The following RAB7A variants were observed in gnomAD, a reference collection of about 807,000 sequenced individuals.
The protein encoded by RAB7A is ras-related protein Rab-7a.
RAB7A carries 2 observed loss-of-function variants against 24.5 expected under a neutral mutation model. The observed-to-expected ratio is 0.08, with a 90% CI of 0.03 to 0.26. RAB7A has a LOEUF of 0.26. RAB7A is among the 10% of genes least tolerant of loss of function. The pLI is 1.00. For synonymous variants in RAB7A, 100 were observed against 95.9 expected, an observed-to-expected ratio of 1.04 and a Z score of -0.25; for missense variants, 118 against 255.7, an observed-to-expected ratio of 0.46 and a Z score of 3.67.
chr3:128,758,847 T>C (rs1436624686), intron 1 of RAB7A, among the ~76,000 whole-genome samples: 1 of 152,174 alleles, frequency 6.6e-6, no homozygotes, highest in Non-Finnish European at 1.5e-5. Context: ...CTGTGTTTTA[T>C]CTGTTTTTTG....
At chr3:128,790,354 G>GA (rs888643377) in intron 1 of RAB7A, among the ~76,000 whole-genome samples, 2 of 152,114 alleles carry the variant, frequency 1.3e-5, no homozygotes, top group Admixed American at 6.5e-5. Context: ...AAATTGATTT[G>GA]AAAAAATCAA....
At chr3:128,726,971 C>T (rs1483244284) in intron 1 of RAB7A, among the ~76,000 whole-genome samples, 1 of 152,202 alleles carries the variant, frequency 6.6e-6, no homozygotes, top group African/African-American at 2.4e-5. Context: ...AGGCATGTTA[C>T]GGTAAATCCT....
chr3:128,763,225 T>A (rs1479457250), intron 1 of RAB7A, among the ~76,000 whole-genome samples: 18 of 131,338 alleles, frequency 1.4e-4, no homozygotes, highest in South Asian at 1.0e-3. Flanking sequence ...TTTTTTTTTT[T>A]TTTTTTTGAG....
At chr3:128,795,750 G>GTTTTTTTTTTTTT (rs1491091651) in intron 2 of RAB7A, among the ~76,000 whole-genome samples, 8 of 6,874 alleles carry the variant, frequency 1.2e-3, no homozygotes, top group Admixed American at 4.5e-3. Context: ...TAGCAGATGT[G>GTTTTTTTTTTTTT]CTTTTTTTTT....
intron 1 of RAB7A, among the ~76,000 whole-genome samples, chr3:128,729,533 G>T (rs1014380608): frequency 1.4e-5 from 2 of 147,212 alleles, no homozygotes; most frequent in African/African-American, 5.1e-5. Context: ...TCATGCCGCT[G>T]CACTCCAGCC....
chr3:128,774,700 G>A (rs1189979376), intron 1 of RAB7A, among the ~76,000 whole-genome samples: 2 of 152,170 alleles, frequency 1.3e-5, no homozygotes, highest in Non-Finnish European at 2.9e-5. Flanking sequence ...AGCCTCCCGA[G>A]TAGCTGGGAC....
At chr3:128,760,316 C>T (rs2107595855) in intron 1 of RAB7A, among the ~76,000 whole-genome samples, 1 of 152,286 alleles carries the variant, frequency 6.6e-6, no homozygotes, top group East Asian at 1.9e-4. Context: ...TCAGACCTCC[C>T]AACTGCAGGT....
chr3:128,791,876 C>A (rs1436747828), intron 1 of RAB7A, among the ~76,000 whole-genome samples: 1 of 152,140 alleles, frequency 6.6e-6, no homozygotes, highest in Non-Finnish European at 1.5e-5. Flanking sequence ...GATGACCTGC[C>A]ACTGCCCTGC....
At chr3:128,763,208 ATTTTTTTT>A (rs1174944964) in intron 1 of RAB7A, among the ~76,000 whole-genome samples, 11 of 76,062 alleles carry the variant, frequency 1.4e-4, no homozygotes, top group East Asian at 1.2e-3. Context: ...ATATATATAT[ATTTTTTTT>A]TTTTTTTTTT....
intron 3 of RAB7A, among the ~76,000 whole-genome samples, chr3:128,801,758 A>G (rs936001950): frequency 6.6e-6 from 1 of 152,200 alleles, no homozygotes; most frequent in Non-Finnish European, 1.5e-5. Flanking sequence ...TAGATCAAAG[A>G]TGATATTTGC....
chr3:128,796,756 G>T (rs1326589620), intron 2 of RAB7A, among the ~76,000 whole-genome samples: 1 of 152,034 alleles, frequency 6.6e-6, no homozygotes, highest in African/African-American at 2.4e-5. Context: ...TCAACCTCCT[G>T]GTCTTAAGCC....
intron 1 of RAB7A, among the ~76,000 whole-genome samples, chr3:128,794,910 G>A (rs1465477531): frequency 6.6e-6 from 1 of 151,994 alleles, no homozygotes; most frequent in Non-Finnish European, 1.5e-5. Context: ...TCAATTAGTG[G>A]TAAGTGCTCT....
intron 1 of RAB7A, among the ~76,000 whole-genome samples, chr3:128,741,550 A>C (rs1008066095): frequency 6.6e-6 from 1 of 152,002 alleles, no homozygotes; most frequent in Non-Finnish European, 1.5e-5. Flanking sequence ...TATTTTAAAT[A>C]GATTTATTTA....
intron 1 of RAB7A, among the ~76,000 whole-genome samples, chr3:128,789,814 G>A (rs1933417276): frequency 6.8e-6 from 1 of 148,120 alleles, no homozygotes; most frequent in African/African-American, 2.5e-5. Flanking sequence ...TTTTGAGATG[G>A]AGTTTCACTC....
At chr3:128,805,398 C>A (rs76015009) in intron 3 of RAB7A, among the ~76,000 whole-genome samples, 5,914 of 152,142 alleles carry the variant, frequency 0.039, 191 homozygotes, top group African/African-American at 0.093. Context: ...TCATGTTCGT[C>A]CGGCTCTGTT....
intron 3 of RAB7A, among the ~76,000 whole-genome samples, chr3:128,800,008 A>G (rs542632703): frequency 2.0e-4 from 30 of 152,370 alleles, no homozygotes; most frequent in African/African-American, 7.0e-4. Context: ...AAATGAGGAT[A>G]TGGAAAACTT....
chr3:128,745,716 T>C (rs561451205), intron 1 of RAB7A, among the ~76,000 whole-genome samples: 16 of 152,318 alleles, frequency 1.1e-4, no homozygotes, highest in Middle Eastern at 3.4e-3. Flanking sequence ...AGGGGAGAAG[T>C]GTTCCAGGAA....
chr3:128,771,302 T>G (rs1224687193), intron 1 of RAB7A, among the ~76,000 whole-genome samples: 1 of 152,146 alleles, frequency 6.6e-6, no homozygotes, highest in Admixed American at 6.5e-5. Context: ...TGGTAGAAAA[T>G]TTCCTCAGTT....
In RAB7A at chr3:128,813,737, A is replaced by G. The variant is rs555274287; in HGVS notation, c.*315A>G. On this transcript the variant is annotated 3_prime_UTR_variant, in exon 6 of 6. Coordinates refer to ENST00000265062, the MANE Select transcript of RAB7A (RefSeq NM_004637.6). ...CAAGCCAGCGGTGGAAGTCATTCTG[A>G]TATGGAGTTGGCATTGGAAGCTTAT... 2.4e-5 allele frequency: 10 copies of G among 419,512 alleles called. 1 individual carries two copies. In the Admixed American group the frequency reaches 3.2e-4, roughly 13 times the overall value. 26.0% of individuals were successfully genotyped at this position (419,512 alleles called of 1,614,324 possible). A position where few individuals can be genotyped will look rare whatever the true frequency, so the allele number is the denominator to read the frequency against.
Sources: gnomAD v4.1 joint callset for allele counts (sites outside exome capture counted in the v4.1 genomes callset) on GRCh38, gnomAD v4.1.1 for gene constraint, MANE v1.5 for transcripts, NCBI Gene and HGNC (gene_info 2026-07-23, HGNC 2026-07-21) for gene names.